CSDC2: variants seen among roughly 807,000 people sequenced by gnomAD.
CSDC2 encodes cold shock domain-containing protein C2.
In CSDC2, 8 loss-of-function variants were observed where a neutral mutation model predicts 15.8. The ratio of observed to expected loss-of-function variants is 0.51; its 90% CI spans 0.30 to 0.92. The LOEUF is 0.92. Ranked by LOEUF, CSDC2 falls within the 40% of genes least tolerant of loss-of-function variation. The probability of loss-of-function intolerance (pLI) is 0.07; values close to 1 mark genes in which losing one functional copy is unlikely to be tolerated. For missense variants in CSDC2, 195 were observed against 213.3 expected (o/e 0.91, Z 0.53); for synonymous variants, 96 against 92.3 (o/e 1.04, Z -0.23).
rs1054188352 is a variant in CSDC2 at position 41,575,386 on chromosome 22, G to A, written c.*491G>A. 3.8e-5 allele frequency: 6 copies of A among 158,634 alleles called. No individual in the cohort carries two copies. The highest frequency in any genetic ancestry group is 6.9e-5 in the Non-Finnish European group (5 of 72,190). The allele number at this position is 158,634 out of a possible 1,614,324, so 9.8% of individuals were successfully genotyped here. ...GGACCCTTCCCTCAGAAGCCTGGCCGATGGGTGCTTTTGGGGAGCCTCTCA... is the reference window on the plus strand; with the variant it reads ...GGACCCTTCCCTCAGAAGCCTGGCCAATGGGTGCTTTTGGGGAGCCTCTCA... On this transcript the variant is annotated 3_prime_UTR_variant, in exon 4 of 4. Coordinates refer to ENST00000306149, the MANE Select transcript of CSDC2 (RefSeq NM_014460.4).
chr22:41,572,125 A>C lies in CSDC2; in HGVS notation c.160A>C (p.Thr54Pro). Reference sequence around the variant, plus strand: ...ACCCAGCCCTCTGCCCACCAAGCGGACCAGGACCTATTCAGCGTGAGTACC... The same window carrying C: ...ACCCAGCCCTCTGCCCACCAAGCGGCCCAGGACCTATTCAGCGTGAGTACC... The part of the protein sequence containing the change: ...DLPSPLPTKR[T>P]RTYSATARAS... Residue 54 changes from threonine (T) to proline (P), a missense_variant, in exon 2 of 4, where the codon ACC becomes CCC. Coordinates refer to ENST00000306149, the MANE Select transcript of CSDC2 (RefSeq NM_014460.4). The C allele has an allele frequency of 7.5e-7, 1 of 1,333,532 alleles. No homozygotes were observed. Among genetic ancestry groups the C allele is most frequent in the African/African-American group, 1.5e-5 (1 of 66,540 alleles). The allele number at this position is 1,333,532 out of a possible 1,614,324, so 82.6% of individuals were successfully genotyped here. A position where few individuals can be genotyped will look rare whatever the true frequency, so the allele number is the denominator to read the frequency against.
rs545632989 is a variant in CSDC2, at chr22:41,575,871, G to A, written c.*976G>A. ...CCTAACAGACCAGTGGCCGAGGTGT[G>A]GCTCTTATTGCATCCATCCCTGAAG... On this transcript the variant is annotated 3_prime_UTR_variant, in exon 4 of 4. Coordinates refer to ENST00000306149, the MANE Select transcript of CSDC2 (RefSeq NM_014460.4). 6.6e-6 allele frequency: 1 copy of A among 152,468 alleles called. No homozygotes were observed. Among genetic ancestry groups the A allele is most frequent in the African/African-American group, 2.4e-5 (1 of 41,588 alleles). The allele number at this position is 152,468 out of a possible 1,614,324, so 9.4% of individuals were successfully genotyped here.
intron 2 of CSDC2, among the ~76,000 whole-genome samples, chr22:41,573,080 C>A (rs1477241387): frequency 6.6e-6 from 1 of 152,182 alleles, no homozygotes; most frequent in Non-Finnish European, 1.5e-5. Context: ...CATGGTGGCT[C>A]ATGCCTGTAA....
At chr22:41,564,199 T>C (rs1359068242) in intron 1 of CSDC2, among the ~76,000 whole-genome samples, 2 of 152,052 alleles carry the variant, frequency 1.3e-5, no homozygotes, top group Admixed American at 1.3e-4. Context: ...ACATGGTCAG[T>C]ATCAATAGAT....
chr22:41,566,025 C>T (rs1245644462), intron 1 of CSDC2, among the ~76,000 whole-genome samples: 1 of 152,030 alleles, frequency 6.6e-6, no homozygotes, highest in South Asian at 2.1e-4. Context: ...GGAGAGTTGG[C>T]CGGGCGCAGT....
At chr22:41,572,319 T>C (rs997481531) in intron 2 of CSDC2, among the ~76,000 whole-genome samples, 178 bp downstream of exon 2, 20 of 93,142 alleles carry the variant, frequency 2.1e-4, no homozygotes, top group Admixed American at 1.6e-3. Context: ...CATCCACCCA[T>C]CCATCCATCC....
chr22:41,573,903 T>G lies in CSDC2; in HGVS notation c.299+126T>G. 2.4e-6 allele frequency: 3 copies of G among 1,264,954 alleles called. No individual in the cohort carries two copies. The South Asian group carries it at 4.5e-5, about 19-fold the overall frequency. The allele number at this position is 1,264,954 out of a possible 1,614,324, so 78.4% of individuals were successfully genotyped here. A position where few individuals can be genotyped will look rare whatever the true frequency, so the allele number is the denominator to read the frequency against. On this transcript the variant is annotated intron_variant, in intron 3 of 3. Transcript: ENST00000306149. ...TGTATTCATGGTGCCTTTTCTGTCC[T>G]CTGAGTAGGGGCTGAGGGTGCGTTG...
At chr22:41,573,885 A>G in intron 3 of CSDC2, 108 bp downstream of exon 3, 1 of 1,386,184 alleles carries the variant, frequency 7.2e-7, no homozygotes, top group Non-Finnish European at 9.8e-7. Flanking sequence ...GTCTGTATTC[A>G]TGGTGCCTTT....
intron 1 of CSDC2, among the ~76,000 whole-genome samples, chr22:41,563,618 C>G (rs1054936061): frequency 6.6e-6 from 1 of 152,092 alleles, no homozygotes; most frequent in Non-Finnish European, 1.5e-5. Flanking sequence ...ATTCCACACC[C>G]GACTCCTCCT....
At chr22:41,562,722 T>G (rs1273301046) in intron 1 of CSDC2, among the ~76,000 whole-genome samples, 1 of 152,038 alleles carries the variant, frequency 6.6e-6, no homozygotes, top group Non-Finnish European at 1.5e-5. Flanking sequence ...GGAATGGGGC[T>G]TGGGGCAGTT....
At chr22:41,570,312 C>T (rs2067138980) in intron 1 of CSDC2, among the ~76,000 whole-genome samples, 1 of 152,090 alleles carries the variant, frequency 6.6e-6, no homozygotes, top group Non-Finnish European at 1.5e-5. Flanking sequence ...ACTCCACCTC[C>T]ACCCCTAGGC....
Position 41,573,774 on chromosome 22 carries a change from C to T in CSDC2, c.296C>T (p.Ser99Phe). ...NGSEDIFVHV[S>F]DIEGEYVPVE... ...TCCGAGGACATCTTCGTACATGTGT[C>T]TGAGTGAGTCCCCTCCACCTCCCTG... The change falls in exon 3 of 4, where the codon TCT becomes TTT. Residue 99 changes from serine (S) to phenylalanine (F), a missense_variant. Physicochemically the swap from Ser to Phe is radical, Grantham distance 155. Transcript: ENST00000306149. The T allele has an allele frequency of 5.0e-6, 8 of 1,612,122 alleles. No individual in the cohort carries two copies. Among genetic ancestry groups the T allele is most frequent in the Non-Finnish European group, 6.8e-6 (8 of 1,178,716 alleles).
chr22:41,574,525 A>T (rs1007438261), intron 3 of CSDC2, among the ~76,000 whole-genome samples: 1 of 152,194 alleles, frequency 6.6e-6, no homozygotes, highest in African/African-American at 2.4e-5. Flanking sequence ...TCAGACTCCC[A>T]AAGTGCTGGG....
At chr22:41,572,367 C>T (rs868798063) in intron 2 of CSDC2, among the ~76,000 whole-genome samples, 1,730 of 71,982 alleles carry the variant, frequency 0.024, 123 homozygotes, top group African/African-American at 0.081. Flanking sequence ...CACCCACCCA[C>T]CCACCCACCC....
chr22:41,576,001 C>A lies in CSDC2; in HGVS notation c.*1106C>A, dbSNP rs1374021300. 6.6e-6 allele frequency: 1 copy of A among 152,306 alleles called. No homozygotes were observed. Among genetic ancestry groups the A allele is most frequent in the African/African-American group, 2.4e-5 (1 of 41,440 alleles). The allele number at this position is 152,306 out of a possible 1,614,324, so 9.4% of individuals were successfully genotyped here. ...AGGCAGGGGTGAGGGTGGCCTGGCC[C>A]AGGAGGCCAGGAAGGAGGGCCCTGT... On this transcript the variant is annotated 3_prime_UTR_variant, in exon 4 of 4. Transcript: ENST00000306149.
intron 1 of CSDC2, among the ~76,000 whole-genome samples, chr22:41,563,878 T>A (rs2067099857): frequency 6.7e-6 from 1 of 150,032 alleles, no homozygotes; most frequent in South Asian, 2.1e-4. Context: ...GAGACCATCC[T>A]GGCTAACACG....
At chr22:41,563,459 G>A (rs1036016266) in intron 1 of CSDC2, among the ~76,000 whole-genome samples, 9 of 152,070 alleles carry the variant, frequency 5.9e-5, no homozygotes, top group African/African-American at 2.2e-4. Flanking sequence ...CCTCCCATCT[G>A]CTCCCCTGTG....
At chr22:41,571,817 C>T (rs572401174) in intron 1 of CSDC2, 26 bp from the exon 2 acceptor site, 19 of 458,156 alleles carry the variant, frequency 4.1e-5, no homozygotes, top group African/African-American at 3.0e-4. Context: ...ACTAGGCTCA[C>T]CTGTGCCTCT....
rs1195190048 is a variant in CSDC2 at position 41,571,892 on chromosome 22, G to A, written c.-74G>A. On this transcript the variant is annotated 5_prime_UTR_variant, in exon 2 of 4. Transcript: ENST00000306149. ...GCAGAGCAGGGCCAGGCCGGGCCCTGCCCGCAAGGACGACCAAACCCCTCA... is the reference window on the plus strand; with the variant it reads ...GCAGAGCAGGGCCAGGCCGGGCCCTACCCGCAAGGACGACCAAACCCCTCA... The A allele has an allele frequency of 1.4e-5, 15 of 1,058,490 alleles. No homozygotes were observed. Among genetic ancestry groups the A allele is most frequent in the Non-Finnish European group, 1.4e-5 (11 of 799,540 alleles). The allele number at this position is 1,058,490 out of a possible 1,614,324, so 65.6% of individuals were successfully genotyped here.
Sources: allele counts gnomAD v4.1 joint callset (sites outside exome capture counted in the v4.1 genomes callset), GRCh38; gene constraint gnomAD v4.1.1; transcripts MANE v1.5; gene names NCBI Gene and HGNC (gene_info 2026-07-23, HGNC 2026-07-21).